Variants in GSDMC observed in about 807,000 individuals in gnomAD.
GSDMC encodes gasdermin C.
A neutral mutation model predicts 58.0 loss-of-function variants in GSDMC; 59 were observed. The observed-to-expected ratio is 1.02, with a 90% CI of 0.82 to 1.26. GSDMC has a LOEUF of 1.26. Among genes scored for constraint, GSDMC ranks in the 50% most tolerant of loss-of-function variants. The probability of loss-of-function intolerance (pLI) is 0.00; values close to 1 mark genes in which losing one functional copy is unlikely to be tolerated. For synonymous variants in GSDMC, 241 were observed against 220.2 expected, an observed-to-expected ratio of 1.09 and a Z score of -0.83; for missense variants, 659 against 598.5, an observed-to-expected ratio of 1.10 and a Z score of -1.06.
chr8:129,769,323 C>T (rs770750388), intron 3 of GSDMC, among the ~76,000 whole-genome samples: 2 of 151,978 alleles, frequency 1.3e-5, no homozygotes, highest in Non-Finnish European at 2.9e-5. Flanking sequence ...AAGAGACAAT[C>T]GCAAATTGCT....
In GSDMC at chr8:129,771,318, G is replaced by A. The variant is rs181068622; in HGVS notation, c.404+4784C>T. 2.3e-3 allele frequency among the ~76,000 whole-genome samples: 352 copies of A among 151,708 alleles called. 1 individual carries two copies. The highest frequency in any genetic ancestry group is 4.1e-3 in the Non-Finnish European group (276 of 67,928). ...ACTTGAAAAACATTATAAACCAAATGAACCTAACAGACATATACAGAACAT... is the reference window on the plus strand; with the variant it reads ...ACTTGAAAAACATTATAAACCAAATAAACCTAACAGACATATACAGAACAT... On this transcript the variant is annotated intron_variant, in intron 3 of 13. Coordinates refer to ENST00000276708, the MANE Select transcript of GSDMC (RefSeq NM_031415.3).
At chr8:129,723,389 T>G in the GSDMC span, among the ~76,000 whole-genome samples, 1 of 150,948 alleles carries the variant, frequency 6.6e-6, no homozygotes, top group Admixed American at 6.6e-5. Context: ...TACAGGCATG[T>G]GCCACCACGC....
chr8:129,775,770 G>A (rs947549822), intron 3 of GSDMC, among the ~76,000 whole-genome samples: 1 of 151,878 alleles, frequency 6.6e-6, no homozygotes, highest in African/African-American at 2.4e-5. Context: ...ATTTTTTATT[G>A]CTTATTTTCT....
chr8:129,725,624 A>C, the GSDMC span, among the ~76,000 whole-genome samples: 2 of 152,224 alleles, frequency 1.3e-5, no homozygotes, highest in Non-Finnish European at 2.9e-5. Context: ...AATATCAGGT[A>C]CACAGCAGGC....
the GSDMC span, among the ~76,000 whole-genome samples, chr8:129,735,043 T>C: frequency 1.3e-5 from 2 of 151,828 alleles, no homozygotes; most frequent in African/African-American, 4.8e-5. Context: ...CCAACAAAGA[T>C]CAGAAGAGAC....
the GSDMC span, among the ~76,000 whole-genome samples, chr8:129,723,384 G>A: frequency 1.3e-5 from 2 of 150,748 alleles, no homozygotes; most frequent in African/African-American, 2.4e-5. Flanking sequence ...GGGATTACAG[G>A]CATGTGCCAC....
At chr8:129,708,528 C>T in the GSDMC span, among the ~76,000 whole-genome samples, 1 of 152,224 alleles carries the variant, frequency 6.6e-6, no homozygotes, top group Non-Finnish European at 1.5e-5. Flanking sequence ...GAAAAATAGC[C>T]AAGACAACAT....
intron 4 of GSDMC, 90 bp from the exon 5 acceptor site, chr8:129,762,821 C>T (rs1479377773): frequency 8.5e-6 from 7 of 818,902 alleles, no homozygotes; most frequent in Non-Finnish European, 1.5e-5. Context: ...AAAACATCAG[C>T]ATTCCCTGCT....
chr8:129,739,570 G>T, the GSDMC span, among the ~76,000 whole-genome samples: 9 of 152,086 alleles, frequency 5.9e-5, no homozygotes, highest in Admixed American at 5.9e-4. Context: ...GGTCCCATAA[G>T]ATTATAATGG....
At chr8:129,728,800 C>T in the GSDMC span, 1 of 538,506 alleles carries the variant, frequency 1.9e-6, no homozygotes, top group African/African-American at 1.9e-5. Context: ...CCCACAGGGG[C>T]CGTTGGCCCA....
In GSDMC at chr8:129,750,133, G is replaced by A. The variant is rs1586573311; in HGVS notation, c.1084-14C>T. On this transcript the variant is annotated splice_polypyrimidine_tract_variant and intron_variant, in intron 11 of 13. Transcript: ENST00000276708. ...GTCCAATTCCAGCTATAGAAGACAG[G>A]TATTATTGTTAATAATAATACTAAT... 1 of 1,535,682 alleles carries A rather than the reference G, an allele frequency of 6.5e-7. No individual in the cohort carries two copies. The highest frequency in any genetic ancestry group is 8.7e-7 in the Non-Finnish European group (1 of 1,143,030).
At chr8:129,773,803 GT>G (rs2034136586) in intron 3 of GSDMC, among the ~76,000 whole-genome samples, 1 of 134,094 alleles carries the variant, frequency 7.5e-6, no homozygotes, top group African/African-American at 2.7e-5. Context: ...AAAAAAAAAA[GT>G]CCGTTTATAA....
At chr8:129,774,323 T>C (rs2034154696) in intron 3 of GSDMC, among the ~76,000 whole-genome samples, 1 of 152,038 alleles carries the variant, frequency 6.6e-6, no homozygotes, top group East Asian at 1.9e-4. Flanking sequence ...CTTCAAAAAA[T>C]GGTGTTGAGA....
downstream of GSDMC, among the ~76,000 whole-genome samples, chr8:129,745,304 A>G (rs983559081): frequency 6.6e-6 from 1 of 152,120 alleles, no homozygotes; most frequent in Non-Finnish European, 1.5e-5. Context: ...CTTACTTTAC[A>G]TTCAGTCTTC....
rs2033084094 is a variant in GSDMC, at chr8:129,749,526, C to T, written c.1214-1G>A. The T allele has an allele frequency of 6.2e-7, 1 of 1,612,206 alleles. No homozygotes were observed. The highest frequency in any genetic ancestry group is 1.3e-5 in the African/African-American group (1 of 74,886). ...AAATCGTGTTGGAAGTCACTCAGCA[C>T]TGAGGGTGGGGGACATGTGGGGAAA... On this transcript the variant is annotated splice_acceptor_variant, in intron 12 of 13. Coordinates refer to ENST00000276708, the MANE Select transcript of GSDMC (RefSeq NM_031415.3). LOFTEE classifies it high-confidence loss of function.
chr8:129,772,134 G>A (rs1391068857), intron 3 of GSDMC, among the ~76,000 whole-genome samples: 4 of 151,914 alleles, frequency 2.6e-5, no homozygotes, highest in Non-Finnish European at 5.9e-5. Flanking sequence ...GGTGGCAGGC[G>A]CCTGTAGTCC....
chr8:129,747,271 A>T (rs917208632), downstream of GSDMC, among the ~76,000 whole-genome samples: 7 of 143,760 alleles, frequency 4.9e-5, no homozygotes, highest in East Asian at 2.1e-4. Context: ...AAAAAAAAAA[A>T]TTTGATAAAG....
chr8:129,721,971 C>T, the GSDMC span, among the ~76,000 whole-genome samples: 8 of 152,160 alleles, frequency 5.3e-5, no homozygotes, highest in East Asian at 1.9e-4. Flanking sequence ...GTGGAAAAGA[C>T]GGTCCCCAAA....
At chr8:129,774,291 A>T (rs1254412466) in intron 3 of GSDMC, among the ~76,000 whole-genome samples, 1 of 152,166 alleles carries the variant, frequency 6.6e-6, no homozygotes, top group Non-Finnish European at 1.5e-5. Context: ...ACAAGAAAAG[A>T]CAGTGAGATA....
Sources: gnomAD v4.1 joint callset for allele counts (sites outside exome capture counted in the v4.1 genomes callset) on GRCh38, gnomAD v4.1.1 for gene constraint, MANE v1.5 for transcripts, NCBI Gene and HGNC (gene_info 2026-07-23, HGNC 2026-07-21) for gene names.